CPNE8: variants seen among roughly 807,000 people sequenced by gnomAD.
The protein encoded by CPNE8 is copine-8.
Under a neutral mutation model 81.5 loss-of-function variants are expected in CPNE8, and 45 were observed. That is an observed-to-expected ratio of 0.55 (90% CI 0.44 to 0.71). CPNE8 has a LOEUF of 0.71. Among genes scored for constraint, CPNE8 ranks in the 30% least tolerant of loss-of-function variants. The probability of loss-of-function intolerance (pLI) is 0.00; values close to 1 mark genes in which losing one functional copy is unlikely to be tolerated. For synonymous variants in CPNE8, 252 were observed against 226.3 expected (o/e 1.11, Z -1.02); for missense variants, 594 against 672.1 (o/e 0.88, Z 1.28).
chr12:38,736,179 CAT>C (rs933829166), intron 10 of CPNE8, among the ~76,000 whole-genome samples: 6 of 149,226 alleles, frequency 4.0e-5, no homozygotes, highest in Non-Finnish European at 7.4e-5. Flanking sequence ...TCTTTTTATA[CAT>C]ATATATAATA....
chr12:38,731,689 T>C (rs532473910), intron 10 of CPNE8, among the ~76,000 whole-genome samples: 5 of 152,040 alleles, frequency 3.3e-5, no homozygotes, highest in Admixed American at 6.6e-5. Flanking sequence ...AAAAGAATTG[T>C]AGGCTCTGAT....
chr12:38,770,392 CA>C, intron 7 of CPNE8, among the ~76,000 whole-genome samples: 1 of 152,296 alleles, frequency 6.6e-6, no homozygotes, highest in Non-Finnish European at 1.5e-5. Context: ...GCTCTGCTGC[CA>C]CCACCTCAGT....
intron 1 of CPNE8, among the ~76,000 whole-genome samples, chr12:38,877,696 A>C (rs1415932368): frequency 6.6e-6 from 1 of 152,136 alleles, no homozygotes. Flanking sequence ...TTCCATTAAA[A>C]TTCCTAGACT....
chr12:38,892,578 T>C (rs1221491095), intron 1 of CPNE8, among the ~76,000 whole-genome samples: 2 of 152,160 alleles, frequency 1.3e-5, no homozygotes, highest in African/African-American at 4.8e-5. Flanking sequence ...TGAAATATAG[T>C]AAGTCAAGCA....
chr12:38,884,643 C>T (rs1288463907), intron 1 of CPNE8, among the ~76,000 whole-genome samples: 1 of 152,130 alleles, frequency 6.6e-6, no homozygotes, highest in Non-Finnish European at 1.5e-5. Context: ...ATATTACATT[C>T]CTACCAGCAA....
intron 19 of CPNE8, among the ~76,000 whole-genome samples, chr12:38,654,462 C>G (rs1938772909): frequency 7.0e-6 from 1 of 143,456 alleles, no homozygotes; most frequent in African/African-American, 2.6e-5. Context: ...TTGCAGTGAG[C>G]CGAGATCATG....
At chr12:38,894,237 C>T (rs1248130820) in intron 1 of CPNE8, among the ~76,000 whole-genome samples, 1 of 152,124 alleles carries the variant, frequency 6.6e-6, no homozygotes, top group African/African-American at 2.4e-5. Flanking sequence ...ATTCCAATGG[C>T]ACAGTGATTT....
chr12:38,904,202 C>T (rs187138587), intron 1 of CPNE8, among the ~76,000 whole-genome samples: 3 of 152,210 alleles, frequency 2.0e-5, no homozygotes, highest in Non-Finnish European at 4.4e-5. Flanking sequence ...GGCATAAAAA[C>T]AATCTTAGGG....
chr12:38,831,295 T>G (rs756992764), intron 5 of CPNE8, among the ~76,000 whole-genome samples: 7 of 152,116 alleles, frequency 4.6e-5, no homozygotes, highest in Non-Finnish European at 1.0e-4. Context: ...CTTAGGGTCA[T>G]CAGAAGCAAC....
chr12:38,894,175 C>T (rs888194393), intron 1 of CPNE8, among the ~76,000 whole-genome samples: 1 of 152,080 alleles, frequency 6.6e-6, no homozygotes, highest in African/African-American at 2.4e-5. Flanking sequence ...AAAACAGATG[C>T]TGTTTCTTTG....
At chr12:38,671,217 T>A (rs1433370605) in intron 18 of CPNE8, among the ~76,000 whole-genome samples, 1 of 152,166 alleles carries the variant, frequency 6.6e-6, no homozygotes, top group East Asian at 1.9e-4. Flanking sequence ...TTAATCATCA[T>A]AGAATTTTCA....
At chr12:38,870,398 C>A (rs1306666734) in intron 3 of CPNE8, among the ~76,000 whole-genome samples, 1 of 152,136 alleles carries the variant, frequency 6.6e-6, no homozygotes. Flanking sequence ...AACCCAAATG[C>A]CCATCAGTGA....
intron 15 of CPNE8, among the ~76,000 whole-genome samples, chr12:38,687,907 G>A (rs987867544): frequency 1.3e-5 from 2 of 152,154 alleles, no homozygotes; most frequent in African/African-American, 4.8e-5. Context: ...GCTGAAAACA[G>A]AATGTAAAAG....
At chr12:38,780,471 C>T (rs77474094) in intron 6 of CPNE8, among the ~76,000 whole-genome samples, 302 of 152,100 alleles carry the variant, frequency 2.0e-3, no homozygotes, top group African/African-American at 6.8e-3. Flanking sequence ...TGGTGAACCA[C>T]CTCAATTTCT....
At chr12:38,702,564 T>G (rs571422709) in intron 14 of CPNE8, among the ~76,000 whole-genome samples, 9 of 152,094 alleles carry the variant, frequency 5.9e-5, no homozygotes, top group Non-Finnish European at 8.8e-5. Context: ...GGTAGGAGAA[T>G]GGGTCAGAGA....
chr12:38,774,083 A>C (rs1227795194), intron 7 of CPNE8, among the ~76,000 whole-genome samples: 1 of 152,136 alleles, frequency 6.6e-6, no homozygotes, highest in Non-Finnish European at 1.5e-5. Context: ...TAAATGACAC[A>C]TTCCCTTTCA....
intron 10 of CPNE8, among the ~76,000 whole-genome samples, chr12:38,748,476 C>G (rs975847903): frequency 9.9e-5 from 15 of 151,936 alleles, no homozygotes; most frequent in African/African-American, 3.6e-4. Flanking sequence ...AATAAAATTA[C>G]TAGATAAAAG....
intron 1 of CPNE8, among the ~76,000 whole-genome samples, chr12:38,897,556 C>A (rs1304132234): frequency 6.6e-6 from 1 of 151,152 alleles, no homozygotes; most frequent in Non-Finnish European, 1.5e-5. Context: ...ACAACATATT[C>A]ATGATATAAT....
intron 3 of CPNE8, among the ~76,000 whole-genome samples, chr12:38,859,088 T>G (rs142097372): frequency 6.6e-6 from 1 of 151,736 alleles, no homozygotes; most frequent in East Asian, 1.9e-4. Context: ...AGTATGAAAA[T>G]CCTAGCCAGA....
Sources: allele counts gnomAD v4.1 joint callset (sites outside exome capture counted in the v4.1 genomes callset), GRCh38; gene constraint gnomAD v4.1.1; transcripts MANE v1.5; gene names NCBI Gene and HGNC (gene_info 2026-07-23, HGNC 2026-07-21).